Variants in KIAA1217 observed in about 807,000 individuals in gnomAD.
The protein encoded by KIAA1217 is sickle tail protein homolog.
In KIAA1217, 88 loss-of-function variants were observed where a neutral mutation model predicts 163.9. That is an observed-to-expected ratio of 0.54 (90% CI 0.45 to 0.64). The LOEUF is 0.64. Among genes scored for constraint, KIAA1217 ranks in the 30% least tolerant of loss-of-function variants. The pLI is 0.00. For synonymous variants in KIAA1217, 903 were observed against 923.1 expected (o/e 0.98, Z 0.39); for missense variants, 2,372 against 2,475.0 (o/e 0.96, Z 0.88).
chr10:23,886,293 A>T (rs1240186302), intron 1 of KIAA1217, among the ~76,000 whole-genome samples: 1 of 151,966 alleles, frequency 6.6e-6, no homozygotes, highest in Non-Finnish European at 1.5e-5. Flanking sequence ...AAACAATATT[A>T]TTCTGAAACA....
intron 1 of KIAA1217, among the ~76,000 whole-genome samples, chr10:23,786,034 TAA>T (rs1835477272): frequency 6.6e-6 from 1 of 152,118 alleles, no homozygotes; most frequent in African/African-American, 2.4e-5. Context: ...TCCTCTCTGG[TAA>T]AAGAGATTAA....
chr10:23,835,136 T>A (rs867163873), intron 1 of KIAA1217, among the ~76,000 whole-genome samples: 3 of 151,886 alleles, frequency 2.0e-5, no homozygotes, highest in Non-Finnish European at 4.4e-5. Context: ...AGGTTCTGAG[T>A]TATGCCTAGA....
At chr10:23,697,170 C>G (rs1836099964) in intron 1 of KIAA1217, among the ~76,000 whole-genome samples, 1 of 152,152 alleles carries the variant, frequency 6.6e-6, no homozygotes, top group African/African-American at 2.4e-5. Context: ...ACTTACCATG[C>G]AGAGATCACA....
rs193077620 is a variant in KIAA1217, at chr10:23,732,099, C to T, written c.-321+36865C>T. Reference sequence around the variant, plus strand: ...TTTGGTATTAGGATAATATTGGTCTCATAGAATGAGTTAGAAAGTATTCCT... The same window carrying T: ...TTTGGTATTAGGATAATATTGGTCTTATAGAATGAGTTAGAAAGTATTCCT... On this transcript the variant is annotated intron_variant, in intron 1 of 18. Transcript: ENST00000376462. Among the ~76,000 whole-genome samples the T allele has an allele frequency of 5.9e-4, 89 of 152,050 alleles. 2 individuals are homozygous for T. The highest frequency in any genetic ancestry group is 3.4e-3 in the Admixed American group (52 of 15,272).
intron 6 of KIAA1217, among the ~76,000 whole-genome samples, chr10:24,483,616 C>A (rs764045866): frequency 1.3e-5 from 2 of 152,032 alleles, no homozygotes; most frequent in African/African-American, 4.8e-5. Context: ...CTAAAGCAGG[C>A]GAGAGTGGGG....
chr10:24,524,219 G>T, intron 12 of KIAA1217, 104 bp from the exon 13 acceptor site: 2 of 1,213,268 alleles, frequency 1.6e-6, no homozygotes, highest in Non-Finnish European at 2.3e-6. Context: ...TCTGAGCTTT[G>T]GGATGTGTGA....
chr10:24,311,732 C>T (rs893532786), intron 2 of KIAA1217, among the ~76,000 whole-genome samples: 1 of 152,090 alleles, frequency 6.6e-6, no homozygotes, highest in Non-Finnish European at 1.5e-5. Context: ...CCTGTGGGAA[C>T]TTTTTGTCAT....
chr10:24,027,552 A>G (rs950540287), intron 2 of KIAA1217, among the ~76,000 whole-genome samples: 4 of 152,148 alleles, frequency 2.6e-5, no homozygotes, highest in Admixed American at 1.3e-4. Context: ...TGCTGAAACA[A>G]TATATCTAGG....
intron 1 of KIAA1217, among the ~76,000 whole-genome samples, chr10:23,699,975 T>C (rs1348001259): frequency 6.6e-6 from 1 of 152,020 alleles, no homozygotes; most frequent in Non-Finnish European, 1.5e-5. Flanking sequence ...AATAAAGGAG[T>C]AAATGAATAA....
chr10:24,151,851 G>T (rs1589690437), intron 2 of KIAA1217, among the ~76,000 whole-genome samples: 2 of 152,034 alleles, frequency 1.3e-5, no homozygotes, highest in South Asian at 4.2e-4. Context: ...GGGATGAGTG[G>T]TTTACCCAAG....
intron 2 of KIAA1217, among the ~76,000 whole-genome samples, chr10:24,168,594 G>T (rs922237780): frequency 1.3e-5 from 2 of 152,154 alleles, no homozygotes; most frequent in African/African-American, 2.4e-5. Context: ...TTTAAAAATT[G>T]GGTCCTTTTC....
intron 1 of KIAA1217, among the ~76,000 whole-genome samples, chr10:23,804,862 A>G (rs1177263423): frequency 6.6e-6 from 1 of 152,164 alleles, no homozygotes; most frequent in Non-Finnish European, 1.5e-5. Context: ...TATGCACTCA[A>G]TACTGGTCCC....
At chr10:24,269,607 A>T (rs2076582636) in intron 2 of KIAA1217, among the ~76,000 whole-genome samples, 1 of 152,188 alleles carries the variant, frequency 6.6e-6, no homozygotes, top group Non-Finnish European at 1.5e-5. Context: ...TAATACTTGA[A>T]TCCAAGCACC....
intron 2 of KIAA1217, among the ~76,000 whole-genome samples, chr10:24,364,347 C>T (rs972902201): frequency 6.6e-6 from 1 of 152,216 alleles, no homozygotes; most frequent in East Asian, 1.9e-4. Flanking sequence ...CTTGTAAATG[C>T]TCCACGTTGA....
intron 1 of KIAA1217, among the ~76,000 whole-genome samples, chr10:23,827,424 C>T (rs146923662): frequency 2.6e-5 from 4 of 152,150 alleles, no homozygotes; most frequent in African/African-American, 7.2e-5. Context: ...CCCTTACTTT[C>T]GTGTTGATAG....
intron 2 of KIAA1217, among the ~76,000 whole-genome samples, chr10:24,076,180 A>G (rs922846637): frequency 6.6e-6 from 1 of 152,124 alleles, no homozygotes; most frequent in Non-Finnish European, 1.5e-5. Context: ...GGCATGGCCA[A>G]CTCATGAGTC....
At position 24,473,280 on chromosome 10, in the gene KIAA1217, C is replaced by A; in HGVS notation, c.899C>A (p.Pro300His). The change falls in exon 6 of 21, where the codon CCC (proline) becomes CAC (histidine). Residue 300 changes from proline (P) to histidine (H), a missense_variant. Physicochemically the swap from Pro to His is moderately conservative, Grantham distance 77. Around this residue, in one of 3 missense-constraint regions of KIAA1217, gnomAD observed 1,431 missense variants for 1,470.3 expected, o/e 0.97. Coordinates refer to ENST00000376454, the MANE Select transcript of KIAA1217 (RefSeq NM_019590.5). ...GGAGATGGCCCTGGGGCCCCTCGCC[C>A]CGGATCTACTGCTCATCCACCCCAT... The part of the protein sequence containing the change: ...ARGDGPGAPR[P>H]GSTAHPPHAI... 1 of 1,526,230 alleles carries A rather than the reference C, an allele frequency of 6.6e-7. No individual in the cohort carries two copies. Among genetic ancestry groups the A allele is most frequent in the East Asian group, 2.3e-5 (1 of 44,144 alleles). The allele number at this position is 1,526,230 out of a possible 1,614,324, so 94.5% of individuals were successfully genotyped here.
intron 3 of KIAA1217, among the ~76,000 whole-genome samples, chr10:24,409,691 T>C (rs1386697737): frequency 1.3e-5 from 2 of 152,148 alleles, no homozygotes; most frequent in African/African-American, 2.4e-5. Flanking sequence ...CGTGCACCCA[T>C]CACCTGAGCC....
intron 11 of KIAA1217, among the ~76,000 whole-genome samples, chr10:24,521,047 T>TG (rs1564850282): frequency 1.4e-5 from 2 of 145,680 alleles, no homozygotes; most frequent in African/African-American, 5.0e-5. Context: ...AAAAAGTTTT[T>TG]TTTTTTTTTT....
Sources: allele counts gnomAD v4.1 joint callset (sites outside exome capture counted in the v4.1 genomes callset), GRCh38; gene constraint gnomAD v4.1.1; regional missense constraint gnomAD v4.1.1; transcripts MANE v1.5; gene names NCBI Gene and HGNC (gene_info 2026-07-23, HGNC 2026-07-21).